Variants in LGR5 observed in about 807,000 individuals in gnomAD.
LGR5 encodes leucine-rich repeat-containing G protein-coupled receptor 5.
LGR5 carries 54 observed loss-of-function variants against 76.7 expected under a neutral mutation model. The observed-to-expected ratio is 0.70, with a 90% confidence interval of 0.57 to 0.88. The LOEUF (loss-of-function observed/expected upper bound fraction) is 0.88. LGR5 is among the 40% of genes least tolerant of loss of function. The probability of loss-of-function intolerance (pLI) is 0.00; values close to 1 mark genes in which losing one functional copy is unlikely to be tolerated. For missense variants in LGR5, 1,078 were observed against 1,073.3 expected, an observed-to-expected ratio of 1.00 and a Z score of -0.06; for synonymous variants, 406 against 421.9, an observed-to-expected ratio of 0.96 and a Z score of 0.46.
chr12:71,532,507 T>G (rs1385058171), intron 3 of LGR5, among the ~76,000 whole-genome samples: 1 of 152,224 alleles, frequency 6.6e-6, no homozygotes, highest in Non-Finnish European at 1.5e-5. Context: ...ACAAACGTAA[T>G]TACGTTCCTT....
chr12:71,475,359 A>T lies in LGR5; in HGVS notation c.213-29255A>T, dbSNP rs1873282801. Among the ~76,000 whole-genome samples the T allele has an allele frequency of 2.0e-5, 3 of 152,256 alleles. No individual in the cohort carries two copies. In the South Asian group the frequency reaches 6.2e-4, roughly 32 times the overall value. On this transcript the variant is annotated intron_variant, in intron 1 of 17. Coordinates refer to ENST00000266674, the MANE Select transcript of LGR5 (RefSeq NM_003667.4). ...AAGAAAAAGAACTGCCACCCAAGAG[A>T]TTTACTAAATCCAAAGATGATGTCA...
chr12:71,580,315 T>C lies in LGR5; in HGVS notation c.1444T>C (p.Phe482Leu), dbSNP rs76115696. ...GCCTTATGCTTACCAGTGCTGTGCA[T>C]TTGGAGTGTGTGAGAATGCCTATAA... is the stretch of plus-strand genomic sequence containing the variant. The part of the protein sequence containing the change: ...EMPYAYQCCA[F>L]GVCENAYKIS... The change falls in exon 16 of 18, where the codon TTT (phenylalanine) becomes CTT (leucine). Residue 482 changes from phenylalanine to leucine, a missense_variant. Coordinates refer to ENST00000266674, the MANE Select transcript of LGR5 (RefSeq NM_003667.4). 1,995 of 1,613,906 alleles carry C rather than the reference T, an allele frequency of 1.2e-3. 20 individuals are homozygous for C. The African/African-American group carries it at 0.023, about 19-fold the overall frequency.
intron 1 of LGR5, among the ~76,000 whole-genome samples, chr12:71,469,145 G>T (rs1459182659): frequency 6.6e-6 from 1 of 152,140 alleles, no homozygotes; most frequent in Non-Finnish European, 1.5e-5. Flanking sequence ...TTCATTCTCT[G>T]AGCATTTTGC....
intron 1 of LGR5, among the ~76,000 whole-genome samples, chr12:71,442,497 A>G (rs1871811530): frequency 6.6e-6 from 1 of 152,224 alleles, no homozygotes; most frequent in Non-Finnish European, 1.5e-5. Flanking sequence ...AACTCAGAGT[A>G]TCTGTAAAAA....
intron 1 of LGR5, among the ~76,000 whole-genome samples, chr12:71,444,590 T>C (rs1027812860): frequency 6.6e-6 from 1 of 152,100 alleles, no homozygotes. Context: ...TGCATTTTCC[T>C]CAAAGTAAAG....
At chr12:71,516,071 T>G (rs940022035) in intron 2 of LGR5, among the ~76,000 whole-genome samples, 6 of 152,158 alleles carry the variant, frequency 3.9e-5, no homozygotes, top group Non-Finnish European at 8.8e-5. Flanking sequence ...AATGACATGT[T>G]ATAATAAAGT....
At chr12:71,487,271 C>G (rs928861309) in intron 1 of LGR5, among the ~76,000 whole-genome samples, 3 of 152,276 alleles carry the variant, frequency 2.0e-5, no homozygotes, top group Non-Finnish European at 2.9e-5. Context: ...CATCACTAAA[C>G]AAGGATGATT....
chr12:71,556,375 C>T (rs1003710978), intron 5 of LGR5, among the ~76,000 whole-genome samples: 2 of 151,702 alleles, frequency 1.3e-5, no homozygotes, highest in African/African-American at 4.8e-5. Context: ...AATTATGTTC[C>T]TCATATTATT....
At chr12:71,480,608 G>A (rs961808194) in intron 1 of LGR5, among the ~76,000 whole-genome samples, 1 of 152,064 alleles carries the variant, frequency 6.6e-6, no homozygotes. Flanking sequence ...GTGTCAATCC[G>A]AAGGGGGAAA....
At chr12:71,509,168 A>G (rs1237759850) in intron 2 of LGR5, among the ~76,000 whole-genome samples, 1 of 152,164 alleles carries the variant, frequency 6.6e-6, no homozygotes, top group African/African-American at 2.4e-5. Flanking sequence ...TCTGCCACTT[A>G]CTAGCTGATA....
At chr12:71,529,569 A>G (rs1018483741) in intron 3 of LGR5, among the ~76,000 whole-genome samples, 1 of 152,208 alleles carries the variant, frequency 6.6e-6, no homozygotes, top group Non-Finnish European at 1.5e-5. Flanking sequence ...TTATTCTAGT[A>G]TCCATCTAGA....
At chr12:71,495,955 A>C (rs959138440) in intron 1 of LGR5, among the ~76,000 whole-genome samples, 1 of 152,160 alleles carries the variant, frequency 6.6e-6, no homozygotes, top group Non-Finnish European at 1.5e-5. Flanking sequence ...GGCACTTTGC[A>C]AAAAAAGGGT....
intron 4 of LGR5, among the ~76,000 whole-genome samples, chr12:71,549,651 T>C (rs908778536): frequency 2.0e-5 from 3 of 152,202 alleles, no homozygotes; most frequent in African/African-American, 7.2e-5. Flanking sequence ...ACAATATACC[T>C]GAATTAGGTT....
At chr12:71,482,711 C>G (rs957195202) in intron 1 of LGR5, among the ~76,000 whole-genome samples, 1 of 152,162 alleles carries the variant, frequency 6.6e-6, no homozygotes, top group Non-Finnish European at 1.5e-5. Flanking sequence ...CCCCCACAAT[C>G]TACAGGACAG....
intron 2 of LGR5, among the ~76,000 whole-genome samples, chr12:71,519,038 A>T (rs917963670): frequency 1.3e-5 from 2 of 152,172 alleles, no homozygotes; most frequent in African/African-American, 4.8e-5. Flanking sequence ...TAAAACACAG[A>T]TCTGATCACA....
At chr12:71,481,059 G>A (rs1873577590) in intron 1 of LGR5, among the ~76,000 whole-genome samples, 1 of 152,200 alleles carries the variant, frequency 6.6e-6, no homozygotes, top group Admixed American at 6.5e-5. Context: ...AATGGGATGG[G>A]ATGACAGATA....
In LGR5 at chr12:71,584,654, C is replaced by A. The variant is rs1565785113; in HGVS notation, c.2644C>A (p.Pro882Thr). 1.9e-6 allele frequency: 3 copies of A among 1,614,052 alleles called. No homozygotes were observed. Among genetic ancestry groups the A allele is most frequent in the Non-Finnish European group, 2.5e-6 (3 of 1,180,024 alleles). The stretch of plus-strand genomic sequence containing the variant: ...CTCCAGCATCACTTATGACCTGCCT[C>A]CCAGTTCCGTGCCATCACCAGCTTA... The part of the protein sequence containing the change: ...TSSSITYDLP[P>T]SSVPSPAYPV... Residue 882 changes from proline (P) to threonine (T), a missense_variant, in exon 18 of 18, where the codon CCC becomes ACC. Transcript: ENST00000266674.
At chr12:71,581,752 G>A (rs1445977840) in intron 16 of LGR5, among the ~76,000 whole-genome samples, 1 of 152,162 alleles carries the variant, frequency 6.6e-6, no homozygotes, top group Non-Finnish European at 1.5e-5. Context: ...ACTGTTCTAG[G>A]CCTTGAAAGT....
At chr12:71,543,783 G>T (rs1302723075) in intron 4 of LGR5, among the ~76,000 whole-genome samples, 1 of 152,160 alleles carries the variant, frequency 6.6e-6, no homozygotes, top group Non-Finnish European at 1.5e-5. Flanking sequence ...GAATTAACTA[G>T]ACAGTGGAAA....
Sources: gnomAD v4.1 joint callset for allele counts (sites outside exome capture counted in the v4.1 genomes callset) on GRCh38, gnomAD v4.1.1 for gene constraint, MANE v1.5 for transcripts, NCBI Gene and HGNC (gene_info 2026-07-23, HGNC 2026-07-21) for gene names.